The following TPD52L1 variants were observed in gnomAD, a reference collection of about 807,000 sequenced individuals.
TPD52L1 encodes the protein tumor protein D53.
TPD52L1 carries 18 observed loss-of-function variants against 28.7 expected under a neutral mutation model. That is an observed-to-expected ratio of 0.63 (90% CI 0.43 to 0.93). The LOEUF is 0.93. TPD52L1 is among the 40% of genes least tolerant of loss of function. The pLI is 0.00. For missense variants in TPD52L1, 203 were observed against 254.8 expected (o/e 0.80, Z 1.39); for synonymous variants, 75 against 88.8 (o/e 0.84, Z 0.88).
intron 1 of TPD52L1, among the ~76,000 whole-genome samples, chr6:125,172,531 T>TAC (rs1791508917): frequency 1.1e-5 from 1 of 87,140 alleles, no homozygotes; most frequent in African/African-American, 5.3e-5. Flanking sequence ...TATATATATA[T>TAC]ATATATATAT....
chr6:125,177,122 A>G (rs949489980), intron 1 of TPD52L1, among the ~76,000 whole-genome samples: 5 of 152,200 alleles, frequency 3.3e-5, no homozygotes, highest in African/African-American at 1.2e-4. Flanking sequence ...TAGCTTTTTG[A>G]GTTTTGAGAT....
At chr6:125,208,773 C>G (rs543343641) in intron 1 of TPD52L1, 5 of 230,796 alleles carry the variant, frequency 2.2e-5, no homozygotes, top group African/African-American at 4.7e-5. Flanking sequence ...AGACATAACC[C>G]GGGAGAAAAA....
chr6:125,174,516 C>T (rs535654732), intron 1 of TPD52L1, among the ~76,000 whole-genome samples: 1 of 152,250 alleles, frequency 6.6e-6, no homozygotes, highest in East Asian at 1.9e-4. Context: ...ATTGTACCTA[C>T]TAAAAAAGAC....
intron 1 of TPD52L1, among the ~76,000 whole-genome samples, chr6:125,209,379 G>A (rs894180999): frequency 3.9e-5 from 6 of 152,128 alleles, no homozygotes; most frequent in Non-Finnish European, 7.4e-5. Context: ...AGGAGACTCC[G>A]GGAAACCAGT....
chr6:125,214,441 A>G, intron 1 of TPD52L1: 1 of 984,312 alleles, frequency 1.0e-6, no homozygotes, highest in Non-Finnish European at 1.2e-6. Flanking sequence ...CCAGGGATAG[A>G]GCCAGAGGCA....
intron 1 of TPD52L1, among the ~76,000 whole-genome samples, chr6:125,174,368 G>A (rs1791695873): frequency 6.6e-6 from 1 of 152,088 alleles, no homozygotes; most frequent in Non-Finnish European, 1.5e-5. Context: ...AAAATTTGTT[G>A]TACTTTTGTA....
chr6:125,235,133 A>ATAATAATAATAATAAT (rs71024715), intron 3 of TPD52L1, among the ~76,000 whole-genome samples: 2 of 150,246 alleles, frequency 1.3e-5, no homozygotes, highest in Non-Finnish European at 3.0e-5. Context: ...AATAATAATA[A>ATAATAATAATAATAAT]AACACCAACT....
At position 125,214,608 on chromosome 6, in the gene TPD52L1, G is replaced by T. The variant is rs190428935; in HGVS notation, c.20-5470G>T. On this transcript the variant is annotated intron_variant, in intron 1 of 6. Coordinates refer to ENST00000534000, the MANE Select transcript of TPD52L1 (RefSeq NM_003287.4). ...CTTTTTTCTGCATATCTCTTTTCTT[G>T]CTGGTAAATCCAATTTCAAATGCCA... 306 of 193,630 alleles carry T rather than the reference G, an allele frequency of 1.6e-3. 2 individuals are homozygous for T. Among genetic ancestry groups the T allele is most frequent in the Non-Finnish European group, 1.7e-3 (179 of 106,072 alleles). 12.0% of individuals were successfully genotyped at this position (193,630 alleles called of 1,614,324 possible).
intron 1 of TPD52L1, among the ~76,000 whole-genome samples, chr6:125,179,122 G>A (rs1028413735): frequency 2.6e-5 from 4 of 152,192 alleles, no homozygotes; most frequent in Admixed American, 6.5e-5. Context: ...GACATATCTG[G>A]CTGAATTCTG....
At chr6:125,163,455 G>A (rs1790656178) in intron 1 of TPD52L1, among the ~76,000 whole-genome samples, 1 of 151,920 alleles carries the variant, frequency 6.6e-6, no homozygotes, top group South Asian at 2.1e-4. Context: ...GGTGATGCAT[G>A]CATGTATTCC....
At chr6:125,220,000 T>C (rs1350482811) in intron 1 of TPD52L1, 78 bp from the exon 2 acceptor site, 1 of 1,003,548 alleles carries the variant, frequency 1.0e-6, no homozygotes, top group South Asian at 1.3e-5. Flanking sequence ...GTGCATCTAG[T>C]CCTCCACACT....
intron 6 of TPD52L1, 83 bp from the exon 7 acceptor site, chr6:125,262,751 A>G (rs943125352): frequency 1.3e-6 from 2 of 1,500,876 alleles, no homozygotes; most frequent in Non-Finnish European, 1.8e-6. Context: ...TTTGAAAGTA[A>G]TCCAGCTTTT....
chr6:125,156,748 G>A (rs997260375), intron 1 of TPD52L1, among the ~76,000 whole-genome samples: 15 of 152,114 alleles, frequency 9.9e-5, no homozygotes, highest in Non-Finnish European at 1.5e-4. Context: ...CAGCTTGGGC[G>A]AGAGGGCAAG....
At chr6:125,156,241 A>T (rs1790108549) in intron 1 of TPD52L1, among the ~76,000 whole-genome samples, 1 of 152,122 alleles carries the variant, frequency 6.6e-6, no homozygotes, top group Non-Finnish European at 1.5e-5. Flanking sequence ...AGGTAGGAGG[A>T]TCACTTAGAG....
chr6:125,229,229 T>C lies in TPD52L1; in HGVS notation c.247T>C (p.Phe83Leu). 1 of 1,613,442 alleles carries C rather than the reference T, an allele frequency of 6.2e-7. No individual in the cohort carries two copies. The highest frequency in any genetic ancestry group is 8.5e-7 in the Non-Finnish European group (1 of 1,179,700). Reference sequence around the variant, plus strand: ...CCTGATGAATGAATTAAAACAGAACTTCAGCAAAAGCTGGCATGACATGCA... The same window carrying C: ...CCTGATGAATGAATTAAAACAGAACCTCAGCAAAAGCTGGCATGACATGCA... ...MNLMNELKQN[F>L]SKSWHDMQTT... The change falls in exon 3 of 7, where the codon TTC (phenylalanine) becomes CTC (leucine). Residue 83 changes from phenylalanine (F) to leucine (L), a missense_variant. Transcript: ENST00000534000.
intron 1 of TPD52L1, among the ~76,000 whole-genome samples, chr6:125,161,650 A>T (rs964748633): frequency 6.6e-6 from 1 of 152,272 alleles, no homozygotes; most frequent in Middle Eastern, 3.4e-3. Flanking sequence ...AGAGATAGGG[A>T]AATGGGTGGC....
intron 1 of TPD52L1, among the ~76,000 whole-genome samples, chr6:125,193,597 C>T (rs1348236241): frequency 6.6e-6 from 1 of 151,830 alleles, no homozygotes; most frequent in Non-Finnish European, 1.5e-5. Flanking sequence ...AGAAAATAGC[C>T]ATATATATGG....
At chr6:125,261,619 G>A (rs1225202649) in intron 6 of TPD52L1, 5 of 148,390 alleles carry the variant, frequency 3.4e-5, no homozygotes, top group Admixed American at 2.7e-4. Flanking sequence ...ACATGGCCTG[G>A]ACCAAAACCT....
At chr6:125,204,771 G>T (rs1204769413) in intron 1 of TPD52L1, among the ~76,000 whole-genome samples, 1 of 152,160 alleles carries the variant, frequency 6.6e-6, no homozygotes, top group Non-Finnish European at 1.5e-5. Flanking sequence ...GAGCCACTGC[G>T]CCAGGCCTAT....
Sources: gnomAD v4.1 joint callset for allele counts (sites outside exome capture counted in the v4.1 genomes callset) on GRCh38, gnomAD v4.1.1 for gene constraint, MANE v1.5 for transcripts, NCBI Gene and HGNC (gene_info 2026-07-23, HGNC 2026-07-21) for gene names.